ALDH2: variants seen among roughly 807,000 people sequenced by gnomAD.
ALDH2 encodes aldehyde dehydrogenase 2 family member.
In ALDH2, 44 loss-of-function variants were observed where a neutral mutation model predicts 59.6. The ratio of observed to expected loss-of-function variants is 0.74; its 90% CI spans 0.58 to 0.95. ALDH2 has a LOEUF of 0.95. Ranked by LOEUF, ALDH2 falls within the 40% of genes least tolerant of loss-of-function variation. The pLI is 0.00. For synonymous variants in ALDH2, 291 were observed against 284.0 expected (o/e 1.02, Z -0.25); for missense variants, 570 against 696.3 (o/e 0.82, Z 2.04).
At chr12:111,804,886 T>C (rs2068482024) in intron 12 of ALDH2, among the ~76,000 whole-genome samples, 1 of 152,144 alleles carries the variant, frequency 6.6e-6, no homozygotes, top group African/African-American at 2.4e-5. Context: ...CATAACCATA[T>C]GCATCTCCTT....
chr12:111,777,435 T>C (rs2068241508), intron 1 of ALDH2, among the ~76,000 whole-genome samples: 1 of 152,132 alleles, frequency 6.6e-6, no homozygotes, highest in Admixed American at 6.6e-5. Context: ...CAACCAGACC[T>C]ACTTCCACCC....
In ALDH2 at chr12:111,815,480, T is replaced by A. The variant is rs1367991897; in HGVS notation, c.*5905T>A. 1 of 152,044 alleles carries A rather than the reference T, an allele frequency of 6.6e-6. No homozygotes were observed. Among genetic ancestry groups the A allele is most frequent in the Non-Finnish European group, 1.5e-5 (1 of 68,002 alleles). The allele number at this position is 152,044 out of a possible 1,614,324, so 9.4% of individuals were successfully genotyped here. On this transcript the variant is annotated 3_prime_UTR_variant, in exon 13 of 13. Transcript: ENST00000261733. ...TTGGCACATAGAAGGGGTTACAATA[T>A]ACATATATTAGAGTGAGAGCATAGA... is the stretch of plus-strand genomic sequence containing the variant.
At chr12:111,798,598 A>G (rs1228689132) in intron 10 of ALDH2, among the ~76,000 whole-genome samples, 2 of 152,062 alleles carry the variant, frequency 1.3e-5, no homozygotes, top group Non-Finnish European at 2.9e-5. Context: ...GCAGTGGCAT[A>G]ATCATGGCTC....
intron 4 of ALDH2, among the ~76,000 whole-genome samples, chr12:111,787,847 C>T (rs1399719182): frequency 6.6e-6 from 1 of 151,800 alleles, no homozygotes; most frequent in African/African-American, 2.4e-5. Context: ...CTGGCTAACA[C>T]GGTGAAACCC....
chr12:111,785,616 C>T (rs554677086), intron 4 of ALDH2, among the ~76,000 whole-genome samples: 3 of 152,160 alleles, frequency 2.0e-5, no homozygotes, highest in African/African-American at 7.2e-5. Flanking sequence ...ACCAGCTACT[C>T]AGGAGGCTAA....
intron 12 of ALDH2, among the ~76,000 whole-genome samples, chr12:111,808,042 A>G (rs993437369): frequency 5.3e-5 from 8 of 151,782 alleles, no homozygotes; most frequent in African/African-American, 1.9e-4. Flanking sequence ...ACACCTGGCT[A>G]ATTTTTTGTA....
rs965276373 is a variant in ALDH2, at chr12:111,808,704, CA to C, written c.1522-828del. 4.9e-3 allele frequency among the ~76,000 whole-genome samples: 716 copies of C among 146,256 alleles called. 7 individuals are homozygous for C. Among genetic ancestry groups the C allele is most frequent in the African/African-American group, 0.016 (647 of 39,934 alleles). On this transcript the variant is annotated intron_variant, in intron 12 of 12. Transcript: ENST00000261733. ...TGGGCAACAGAGTAAGACTCCGTCT[CA>C]AAAAAAAAAATTTAAGAAACCTCAC...
chr12:111,780,622 C>CA (rs1025663302), intron 1 of ALDH2, among the ~76,000 whole-genome samples: 2 of 152,186 alleles, frequency 1.3e-5, no homozygotes, highest in African/African-American at 4.8e-5. Context: ...CTCTACCCCC[C>CA]ACCTTAGTCA....
chr12:111,813,420 A>G lies in ALDH2; in HGVS notation c.*3845A>G, dbSNP rs1481089405. ...GATGTTGCATACAATTTGGCTGTAC[A>G]TTTGGCAGGCAGTGTAATGAGGGAA... On this transcript the variant is annotated 3_prime_UTR_variant, in exon 13 of 13. Transcript: ENST00000261733. The G allele has an allele frequency of 6.6e-6, 1 of 152,208 alleles. No homozygotes were observed. Among genetic ancestry groups the G allele is most frequent in the East Asian group, 1.9e-4 (1 of 5,198 alleles). 9.4% of individuals were successfully genotyped at this position (152,208 alleles called of 1,614,324 possible).
rs1312693080 is a variant in ALDH2, at chr12:111,814,448, G to C, written c.*4873G>C. ...CCAGCTACTCAGGAGGCTGAGGCAG[G>C]AGAATTGGTTGAACCTGGGAGGCAG... On this transcript the variant is annotated 3_prime_UTR_variant, in exon 13 of 13. Coordinates refer to ENST00000261733, the MANE Select transcript of ALDH2 (RefSeq NM_000690.4). 6.6e-6 allele frequency: 1 copy of C among 151,524 alleles called. No homozygotes were observed. Among genetic ancestry groups the C allele is most frequent in the African/African-American group, 2.4e-5 (1 of 41,140 alleles). The allele number at this position is 151,524 out of a possible 1,614,324, so 9.4% of individuals were successfully genotyped here.
intron 10 of ALDH2, 45 bp downstream of exon 10, chr12:111,798,287 G>A (rs770625268): frequency 7.9e-6 from 12 of 1,517,008 alleles, no homozygotes; most frequent in East Asian, 2.3e-5. Context: ...TTGGCGGGAG[G>A]TGAGGTAAAC....
At chr12:111,768,487 G>A (rs1244838489) in intron 1 of ALDH2, among the ~76,000 whole-genome samples, 2 of 152,270 alleles carry the variant, frequency 1.3e-5, no homozygotes, top group Admixed American at 1.3e-4. Flanking sequence ...AAAGGCAGCA[G>A]CTATGGCTCC....
chr12:111,806,880 A>T (rs2068499059), intron 12 of ALDH2, among the ~76,000 whole-genome samples: 1 of 152,106 alleles, frequency 6.6e-6, no homozygotes. Flanking sequence ...CTGAGACAAG[A>T]GTTGCCTGAA....
At chr12:111,779,666 G>T (rs1467404735) in intron 1 of ALDH2, among the ~76,000 whole-genome samples, 6 of 152,202 alleles carry the variant, frequency 3.9e-5, no homozygotes, top group Non-Finnish European at 7.3e-5. Flanking sequence ...GGATGCTGGG[G>T]CCAAAGGGAC....
At chr12:111,800,204 A>G (rs2068439954) in intron 11 of ALDH2, 141 bp downstream of exon 11, 5 of 1,047,088 alleles carry the variant, frequency 4.8e-6, no homozygotes, top group Non-Finnish European at 6.7e-6. Flanking sequence ...TCGATTTGAG[A>G]GGTCCTGCTA....
intron 9 of ALDH2, among the ~76,000 whole-genome samples, chr12:111,797,775 T>C (rs1370033984): frequency 2.0e-5 from 3 of 152,232 alleles, no homozygotes; most frequent in Non-Finnish European, 4.4e-5. Flanking sequence ...TACCAGTCTG[T>C]CATCCTTCTA....
At chr12:111,775,656 A>G in intron 1 of ALDH2, 1 of 455,820 alleles carries the variant, frequency 2.2e-6, no homozygotes, top group Admixed American at 2.4e-5. Flanking sequence ...GGAAACTATA[A>G]AGAGGAAGTG....
At chr12:111,797,598 C>A (rs1293844333) in intron 9 of ALDH2, among the ~76,000 whole-genome samples, 5 of 144,022 alleles carry the variant, frequency 3.5e-5, no homozygotes, top group African/African-American at 1.3e-4. Flanking sequence ...GAGACCCCAT[C>A]TCAAAAACAA....
chr12:111,766,933 G>A lies in ALDH2; in HGVS notation c.-50G>A, dbSNP rs368926957. ...GGAGCGGGGTCGGCTCAGTGGCCCT[G>A]AGACCCTAGCTCTGCTCTCGGTCCG... On this transcript the variant is annotated 5_prime_UTR_variant, in exon 1 of 13. Coordinates refer to ENST00000261733, the MANE Select transcript of ALDH2 (RefSeq NM_000690.4). The A allele has an allele frequency of 6.9e-7, 1 of 1,459,626 alleles. No homozygotes were observed. Among genetic ancestry groups the A allele is most frequent in the Non-Finnish European group, 9.1e-7 (1 of 1,100,898 alleles). 90.4% of individuals were successfully genotyped at this position (1,459,626 alleles called of 1,614,324 possible). A position where few individuals can be genotyped will look rare whatever the true frequency, so the allele number is the denominator to read the frequency against.
Sources: allele counts gnomAD v4.1 joint callset (sites outside exome capture counted in the v4.1 genomes callset), GRCh38; gene constraint gnomAD v4.1.1; transcripts MANE v1.5; gene names NCBI Gene and HGNC (gene_info 2026-07-23, HGNC 2026-07-21).